The following HECW2 variants were observed in gnomAD, a reference collection of about 807,000 sequenced individuals.
HECW2 encodes the protein HECT, C2 and WW domain containing E3 ubiquitin protein ligase 2, also known as E3 ubiquitin-protein ligase HECW2.
Under a neutral mutation model 175.2 loss-of-function variants are expected in HECW2, and 61 were observed. The observed-to-expected ratio is 0.35, with a 90% confidence interval of 0.28 to 0.43. The LOEUF (loss-of-function observed/expected upper bound fraction) is 0.43. HECW2 is among the 20% of genes least tolerant of loss of function. The pLI is 1.00. For synonymous variants in HECW2, 671 were observed against 731.0 expected (o/e 0.92, Z 1.32); for missense variants, 1,524 against 2,000.5 (o/e 0.76, Z 4.54).
At position 196,458,402 on chromosome 2, in the gene HECW2, A is replaced by T. The variant is rs115289475; in HGVS notation, c.-35-24944T>A. Among the ~76,000 whole-genome samples, 1,302 of 151,808 alleles carry T rather than the reference A, an allele frequency of 8.6e-3. 18 individuals are homozygous for T. Among genetic ancestry groups the T allele is most frequent in the African/African-American group, 0.03 (1,229 of 41,436 alleles). On this transcript the variant is annotated intron_variant, in intron 1 of 28. Transcript: ENST00000644978. ...GTCTCATAATGCTGGGAGTCTCTGGATCTTAACTGTTTCTCTCTCTCCCTC... is the reference window on the plus strand; with the variant it reads ...GTCTCATAATGCTGGGAGTCTCTGGTTCTTAACTGTTTCTCTCTCTCCCTC...
At chr2:196,318,031 C>T (rs1691768410) in intron 9 of HECW2, among the ~76,000 whole-genome samples, 2 of 152,350 alleles carry the variant, frequency 1.3e-5, no homozygotes, top group Admixed American at 6.5e-5. Context: ...TAATCTTCCA[C>T]TGTGAAATTT....
intron 2 of HECW2, among the ~76,000 whole-genome samples, chr2:196,428,794 T>C (rs1695621617): frequency 6.6e-6 from 1 of 152,236 alleles, no homozygotes; most frequent in Admixed American, 6.5e-5. Context: ...TATCTTGCCT[T>C]TAAAAGCAGT....
intron 21 of HECW2, among the ~76,000 whole-genome samples, chr2:196,229,738 A>C (rs902953540): frequency 7.2e-5 from 11 of 152,232 alleles, no homozygotes; most frequent in African/African-American, 2.7e-4. Flanking sequence ...ACAGACTTCA[A>C]TTATTCATAC....
Position 196,207,622 on chromosome 2 carries a change from A to C in HECW2, c.4608-6234T>G, listed in dbSNP as rs556907986. On this transcript the variant is annotated intron_variant, in intron 28 of 28. Coordinates refer to ENST00000644978, the MANE Select transcript of HECW2 (RefSeq NM_001348768.2). ...TCCAACTACTCATTGGTCATGTTCCATTTTGGGACCAATGATGTTGGTTAT... is the reference window on the plus strand; with the variant it reads ...TCCAACTACTCATTGGTCATGTTCCCTTTTGGGACCAATGATGTTGGTTAT... 2.0e-5 allele frequency among the ~76,000 whole-genome samples: 3 copies of C among 152,272 alleles called. No individual in the cohort carries two copies. In the South Asian group the frequency reaches 6.2e-4, roughly 32 times the overall value.
intron 15 of HECW2, among the ~76,000 whole-genome samples, chr2:196,274,663 A>G (rs1689874247): frequency 1.3e-5 from 2 of 152,192 alleles, no homozygotes; most frequent in Admixed American, 1.3e-4. Flanking sequence ...CTCCATGCCT[A>G]TTAGAACACC....
At chr2:196,458,898 C>A (rs1696627046) in intron 1 of HECW2, among the ~76,000 whole-genome samples, 1 of 151,110 alleles carries the variant, frequency 6.6e-6, no homozygotes, top group Non-Finnish European at 1.5e-5. Flanking sequence ...TAAGTGTAAA[C>A]ACACTGGCTA....
At chr2:196,546,088 A>G (rs772638752) in intron 1 of HECW2, among the ~76,000 whole-genome samples, 29 of 152,228 alleles carry the variant, frequency 1.9e-4, no homozygotes, top group Non-Finnish European at 2.5e-4. Flanking sequence ...GTTTATGCTC[A>G]CCACGATAAG....
intron 28 of HECW2, among the ~76,000 whole-genome samples, chr2:196,203,082 A>G (rs1044925554): frequency 1.3e-5 from 2 of 152,060 alleles, no homozygotes; most frequent in African/African-American, 2.4e-5. Flanking sequence ...GGCACTCAAA[A>G]AGTTTTGGAT....
At chr2:196,534,252 G>A (rs1268083405) in intron 1 of HECW2, among the ~76,000 whole-genome samples, 1 of 151,412 alleles carries the variant, frequency 6.6e-6, no homozygotes, top group Non-Finnish European at 1.5e-5. Context: ...TGAGTCTTCG[G>A]TGTGTGTCAG....
At chr2:196,465,764 T>C (rs1188769667) in intron 1 of HECW2, among the ~76,000 whole-genome samples, 3 of 151,344 alleles carry the variant, frequency 2.0e-5, no homozygotes, top group Non-Finnish European at 4.4e-5. Flanking sequence ...TCTGGACCAC[T>C]GATCCAAAAG....
At chr2:196,297,337 C>T (rs1690854902) in intron 13 of HECW2, among the ~76,000 whole-genome samples, 1 of 152,216 alleles carries the variant, frequency 6.6e-6, no homozygotes, top group Non-Finnish European at 1.5e-5. Context: ...GAATGATCAA[C>T]TGAATTTCTT....
intron 1 of HECW2, among the ~76,000 whole-genome samples, chr2:196,559,892 T>G (rs1343737960): frequency 6.6e-6 from 1 of 152,198 alleles, no homozygotes; most frequent in Non-Finnish European, 1.5e-5. Flanking sequence ...TCTGAATTCC[T>G]TTCACTCTAA....
intron 2 of HECW2, among the ~76,000 whole-genome samples, chr2:196,352,199 T>C (rs1693193644): frequency 6.6e-6 from 1 of 152,168 alleles, no homozygotes; most frequent in Admixed American, 6.5e-5. Context: ...GACAAGAGTG[T>C]GTCTGACAAT....
chr2:196,545,361 A>T (rs183124849), intron 1 of HECW2, among the ~76,000 whole-genome samples: 2 of 152,172 alleles, frequency 1.3e-5, no homozygotes, highest in African/African-American at 4.8e-5. Context: ...ACTGAGGGCC[A>T]TATCAAAGAG....
chr2:196,315,641 C>T (rs959412309), intron 10 of HECW2: 2 of 152,082 alleles, frequency 1.3e-5, no homozygotes, highest in Non-Finnish European at 2.9e-5. Context: ...AAAGGAACTG[C>T]CAATTGTAAA....
rs142192890 is a variant in HECW2 at position 196,281,998 on chromosome 2, T to C, written c.3001-3336A>G. ...GATAGTTCATATGAATTTTTGAGCA[T>C]GCTGCCTGTGACACGTCAAATATGA... On this transcript the variant is annotated intron_variant, in intron 14 of 28. Transcript: ENST00000644978. Among the ~76,000 whole-genome samples, 258 of 152,316 alleles carry C rather than the reference T, an allele frequency of 1.7e-3. 1 individual carries two copies. The highest frequency in any genetic ancestry group is 5.8e-3 in the African/African-American group (241 of 41,570).
intron 2 of HECW2, among the ~76,000 whole-genome samples, chr2:196,416,401 T>C (rs1378262427): frequency 6.6e-6 from 1 of 152,176 alleles, no homozygotes; most frequent in Non-Finnish European, 1.5e-5. Context: ...TAAAAAACTG[T>C]GGCAGCTTTA....
rs556803001 is a variant in HECW2 at position 196,271,431 on chromosome 2, C to T, written c.3239-142G>A. ...TGCAAGTAGCTGGGATTATAGGTGC[C>T]TGCCACCATGCTCAGCTAATTTTTT... On this transcript the variant is annotated intron_variant, in intron 16 of 28. Transcript: ENST00000644978. 255 of 602,262 alleles carry T rather than the reference C, an allele frequency of 4.2e-4. 1 individual carries two copies. The highest frequency in any genetic ancestry group is 9.0e-4 in the Middle Eastern group (2 of 2,218). The allele number at this position is 602,262 out of a possible 1,614,324, so 37.3% of individuals were successfully genotyped here.
intron 1 of HECW2, among the ~76,000 whole-genome samples, chr2:196,526,386 T>A (rs1688647218): frequency 6.8e-6 from 1 of 146,032 alleles, no homozygotes; most frequent in Non-Finnish European, 1.5e-5. Flanking sequence ...CTTCTAAATT[T>A]TTTTCAAAGT....
Sources: gnomAD v4.1 joint callset for allele counts (sites outside exome capture counted in the v4.1 genomes callset) on GRCh38, gnomAD v4.1.1 for gene constraint, MANE v1.5 for transcripts, NCBI Gene and HGNC (gene_info 2026-07-23, HGNC 2026-07-21) for gene names.